The following ZNF486 variants were observed in gnomAD, a reference collection of about 807,000 sequenced individuals.
ZNF486 encodes KRAB box only protein 2.
Under a neutral mutation model 12.8 loss-of-function variants are expected in ZNF486, and 12 were observed. That is an observed-to-expected ratio of 0.94 (90% confidence interval 0.60 to 1.52). The LOEUF is 1.52. Ranked by LOEUF, ZNF486 falls within the 40% of genes most tolerant of loss-of-function variation. The pLI is 0.00. For missense variants in ZNF486, 738 were observed against 545.0 expected (o/e 1.35, Z -3.53); for synonymous variants, 231 against 184.9 (o/e 1.25, Z -2.02).
At chr19:20,193,753 T>A (rs1158248775) in intron 3 of ZNF486, among the ~76,000 whole-genome samples, 2 of 152,044 alleles carry the variant, frequency 1.3e-5, no homozygotes, top group Non-Finnish European at 2.9e-5. Flanking sequence ...CTGTTATTTT[T>A]ATTAATTGTT....
In ZNF486 at chr19:20,196,841, G is replaced by C. The variant is rs1298343632; in HGVS notation, c.254-123G>C. 4.0e-6 allele frequency: 5 copies of C among 1,255,766 alleles called. No homozygotes were observed. In the African/African-American group the frequency reaches 7.7e-5, roughly 19 times the overall value. 77.8% of individuals were successfully genotyped at this position (1,255,766 alleles called of 1,614,324 possible). ...TTTATATGTCCAGGAAGAAATTACAGCTTGTGGCATTTTGCTATGTCATCT... is the reference window on the plus strand; with the variant it reads ...TTTATATGTCCAGGAAGAAATTACACCTTGTGGCATTTTGCTATGTCATCT... On this transcript the variant is annotated intron_variant, in intron 3 of 3. Transcript: ENST00000335117.
intron 3 of ZNF486, among the ~76,000 whole-genome samples, chr19:20,195,711 AG>A (rs528354675): frequency 5.9e-5 from 9 of 152,200 alleles, no homozygotes; most frequent in Non-Finnish European, 1.3e-4. Context: ...ACATGTTTTT[AG>A]GATGAGTCTT....
intron 1 of ZNF486, among the ~76,000 whole-genome samples, chr19:20,181,568 A>G (rs1447013544): frequency 6.6e-6 from 1 of 151,874 alleles, no homozygotes; most frequent in African/African-American, 2.4e-5. Flanking sequence ...GGAAAAATAA[A>G]GTACGTATTT....
At chr19:20,191,726 C>A (rs563583849) in intron 3 of ZNF486, among the ~76,000 whole-genome samples, 4 of 152,068 alleles carry the variant, frequency 2.6e-5, no homozygotes, top group Non-Finnish European at 4.4e-5. Context: ...GCTGAGATTG[C>A]GCCACTGTAC....
rs2089983701 is a variant in ZNF486, at chr19:20,198,515, A to G, written c.*413A>G. 1 of 182,306 alleles carries G rather than the reference A, an allele frequency of 5.5e-6. No individual in the cohort carries two copies. Among genetic ancestry groups the G allele is most frequent in the Non-Finnish European group, 1.2e-5 (1 of 84,768 alleles). 11.3% of individuals were successfully genotyped at this position (182,306 alleles called of 1,614,324 possible). A position where few individuals can be genotyped will look rare whatever the true frequency, so the allele number is the denominator to read the frequency against. ...CCTGTAACAAGTTCTCAATTCTTTT[A>G]TTTTTATTTGTTTATTTATTTTTTG... On this transcript the variant is annotated 3_prime_UTR_variant, in exon 4 of 4. Transcript: ENST00000335117.
rs2089981868 is a variant in ZNF486, at chr19:20,198,309, G to A, written c.*207G>A. 1 of 524,760 alleles carries A rather than the reference G, an allele frequency of 1.9e-6. No individual in the cohort carries two copies. Among genetic ancestry groups the A allele is most frequent in the Non-Finnish European group, 3.4e-6 (1 of 297,826 alleles). The allele number at this position is 524,760 out of a possible 1,614,324, so 32.5% of individuals were successfully genotyped here. A position where few individuals can be genotyped will look rare whatever the true frequency, so the allele number is the denominator to read the frequency against. On this transcript the variant is annotated 3_prime_UTR_variant, in exon 4 of 4. Coordinates refer to ENST00000335117, the MANE Select transcript of ZNF486 (RefSeq NM_052852.4). ...GTAGAGATGGGGTTTCTCCATGTTG[G>A]TCAGGCTGGTCTCAATCTCCTAACC...
chr19:20,179,416 C>T (rs2089760115), intron 1 of ZNF486, among the ~76,000 whole-genome samples: 1 of 151,056 alleles, frequency 6.6e-6, no homozygotes, highest in Non-Finnish European at 1.5e-5. Flanking sequence ...TGAATCTTTG[C>T]TCCCAGGTTA....
At chr19:20,174,813 T>A (rs2089687920) in intron 1 of ZNF486, among the ~76,000 whole-genome samples, 1 of 152,246 alleles carries the variant, frequency 6.6e-6, no homozygotes, top group African/African-American at 2.4e-5. Context: ...TTTTAATTAT[T>A]AAAAATGCTA....
rs111668959 is a variant in ZNF486 at position 20,173,445 on chromosome 19, T to G, written c.30+6085T>G. 9.1e-3 allele frequency among the ~76,000 whole-genome samples: 1,389 copies of G among 152,248 alleles called. 21 individuals are homozygous for G. Among genetic ancestry groups the G allele is most frequent in the African/African-American group, 0.031 (1,294 of 41,536 alleles). On this transcript the variant is annotated intron_variant, in intron 1 of 3. Coordinates refer to ENST00000335117, the MANE Select transcript of ZNF486 (RefSeq NM_052852.4). Reference sequence around the variant, plus strand: ...CACTCATGGATTTTATATAACATCTTTCTCTCTTCTGGTTTTAACCCCACT... The same window carrying G: ...CACTCATGGATTTTATATAACATCTGTCTCTCTTCTGGTTTTAACCCCACT...
intron 3 of ZNF486, among the ~76,000 whole-genome samples, chr19:20,190,359 C>T (rs900063434): frequency 6.6e-5 from 10 of 152,184 alleles, no homozygotes; most frequent in African/African-American, 2.4e-4. Flanking sequence ...TTAGAAAACA[C>T]ACAATGTATA....
rs562012086 is a variant in ZNF486, at chr19:20,197,906, C to T, written c.1196C>T (p.Thr399Ile). ...GCAGGCCTCCATAAACATAGGAGAA[C>T]TCATACTGGAGAGAAACCCTACAAA... The part of the protein sequence containing the change: ...WSAGLHKHRR[T>I]HTGEKPYKCE... Residue 399 changes from threonine to isoleucine, a missense_variant, in exon 4 of 4, where the codon ACT becomes ATT. Physicochemically the swap from Thr to Ile is moderately conservative, Grantham distance 89 (BLOSUM62 -1). Transcript: ENST00000335117. The T allele has an allele frequency of 6.2e-7, 1 of 1,610,790 alleles. No homozygotes were observed. The highest frequency in any genetic ancestry group is 1.7e-5 in the Admixed American group (1 of 59,806).
At chr19:20,168,567 T>G (rs1568314233) in intron 1 of ZNF486, among the ~76,000 whole-genome samples, 2 of 151,334 alleles carry the variant, frequency 1.3e-5, no homozygotes, top group Admixed American at 6.6e-5. Context: ...GGCAGGAGAG[T>G]TGCTTGAACC....
chr19:20,169,888 GTTTTTTTTTTTT>G (rs781968530), intron 1 of ZNF486, among the ~76,000 whole-genome samples: 1 of 108,914 alleles, frequency 9.2e-6, no homozygotes, highest in African/African-American at 3.8e-5. Context: ...GGGGTTGTAT[GTTTTTTTTTTTT>G]TTTTTTTTTT....
chr19:20,184,394 T>C lies in ZNF486; in HGVS notation c.69T>C (p.Ser23=). Residue 23 remains serine (S), a synonymous_variant, in exon 2 of 4, where the codon TCT becomes TCC. Transcript: ENST00000335117. ...LQFRDVAVEF[S]LEEWHCLDTA... is the part of the protein sequence containing the mutation. ...TTAGAGATGTGGCTGTAGAATTCTC[T>C]CTGGAGGAGTGGCATTGCCTGGACA... is the stretch of plus-strand genomic sequence containing the variant. The C allele has an allele frequency of 6.2e-7, 1 of 1,613,644 alleles. No individual in the cohort carries two copies. Among genetic ancestry groups the C allele is most frequent in the Middle Eastern group, 1.7e-4 (1 of 6,054 alleles).
intron 3 of ZNF486, among the ~76,000 whole-genome samples, chr19:20,189,682 C>A (rs2089884196): frequency 6.6e-6 from 1 of 151,948 alleles, no homozygotes; most frequent in Non-Finnish European, 1.5e-5. Context: ...AGTTATTGAA[C>A]TTTATTGATT....
chr19:20,191,840 C>A (rs2089906542), intron 3 of ZNF486, among the ~76,000 whole-genome samples: 1 of 152,100 alleles, frequency 6.6e-6, no homozygotes, highest in Non-Finnish European at 1.5e-5. Context: ...ATAATATGGT[C>A]TATAATGTTG....
chr19:20,172,165 A>T (rs2122627152), intron 1 of ZNF486, among the ~76,000 whole-genome samples: 1 of 149,798 alleles, frequency 6.7e-6, no homozygotes, highest in Non-Finnish European at 1.5e-5. Context: ...CACCATGTCT[A>T]GCTAATTTTG....
Position 20,184,378 on chromosome 19 carries a change from T to C in ZNF486, c.53T>C (p.Val18Ala), listed in dbSNP as rs928072734. ...CAGGAATCATTGCAATTTAGAGATG[T>C]GGCTGTAGAATTCTCTCTGGAGGAG... ...LEMESLQFRD[V>A]AVEFSLEEWH... The change falls in exon 2 of 4, where the codon GTG becomes GCG. Residue 18 changes from valine (V) to alanine (A), a missense_variant. Coordinates refer to ENST00000335117, the MANE Select transcript of ZNF486 (RefSeq NM_052852.4). 1 of 1,613,406 alleles carries C rather than the reference T, an allele frequency of 6.2e-7. No homozygotes were observed. Among genetic ancestry groups the C allele is most frequent in the South Asian group, 1.1e-5 (1 of 91,066 alleles).
At chr19:20,169,106 T>C (rs2089617594) in intron 1 of ZNF486, among the ~76,000 whole-genome samples, 1 of 151,878 alleles carries the variant, frequency 6.6e-6, no homozygotes, top group South Asian at 2.1e-4. Context: ...CCCGAAGTGG[T>C]GGGGTTACTA....
Sources: gnomAD v4.1 joint callset for allele counts (sites outside exome capture counted in the v4.1 genomes callset) on GRCh38, gnomAD v4.1.1 for gene constraint, MANE v1.5 for transcripts, NCBI Gene and HGNC (gene_info 2026-07-23, HGNC 2026-07-21) for gene names.